The following PRKG1 variants were observed in gnomAD, a reference collection of about 807,000 sequenced individuals.
PRKG1 encodes the protein protein kinase cGMP-dependent 1.
Under a neutral mutation model 88.1 loss-of-function variants are expected in PRKG1, and 35 were observed. That is an observed-to-expected ratio of 0.40 (90% CI 0.30 to 0.53). The LOEUF is 0.53. PRKG1 is among the 20% of genes least tolerant of loss of function. PRKG1 has a pLI of 0.59. For missense variants in PRKG1, 540 were observed against 839.8 expected (o/e 0.64, Z 4.41); for synonymous variants, 303 against 292.5 (o/e 1.04, Z -0.37).
At chr10:51,248,136 C>T (rs1839340720) in intron 2 of PRKG1, among the ~76,000 whole-genome samples, 1 of 151,868 alleles carries the variant, frequency 6.6e-6, no homozygotes, top group African/African-American at 2.4e-5. Flanking sequence ...AAACTACATA[C>T]ATTGTTAAGC....
intron 10 of PRKG1, among the ~76,000 whole-genome samples, chr10:52,261,121 G>T (rs1352740118): frequency 2.0e-5 from 3 of 151,444 alleles, no homozygotes; most frequent in African/African-American, 7.3e-5. Context: ...AAAGTTAAAT[G>T]TCTCTAAAAA....
intron 3 of PRKG1, among the ~76,000 whole-genome samples, chr10:51,616,456 TGG>T (rs147918069): frequency 6.6e-6 from 1 of 152,136 alleles, no homozygotes; most frequent in South Asian, 2.1e-4. Flanking sequence ...GTGGCTGTGG[TGG>T]GCTTAGGAAA....
chr10:51,100,935 T>C (rs181917362), intron 1 of PRKG1, among the ~76,000 whole-genome samples: 2 of 152,340 alleles, frequency 1.3e-5, no homozygotes, highest in Non-Finnish European at 2.9e-5. Flanking sequence ...TACTCTTCTT[T>C]CTATGCCTCT....
intron 2 of PRKG1, among the ~76,000 whole-genome samples, chr10:51,449,106 T>TA (rs1221109449): frequency 1.3e-5 from 2 of 152,028 alleles, no homozygotes; most frequent in Non-Finnish European, 2.9e-5. Context: ...CTATTTGGTG[T>TA]AATATTTCCC....
At chr10:51,556,505 TG>T (rs1222256668) in intron 3 of PRKG1, among the ~76,000 whole-genome samples, 2 of 151,952 alleles carry the variant, frequency 1.3e-5, no homozygotes, top group Non-Finnish European at 2.9e-5. Flanking sequence ...AATGGTGGAC[TG>T]GAAATGAAAA....
At chr10:51,190,160 A>G (rs1031490941) in intron 2 of PRKG1, among the ~76,000 whole-genome samples, 1 of 151,920 alleles carries the variant, frequency 6.6e-6, no homozygotes. Context: ...TTTGTTTTTT[A>G]TATTTCAACT....
intron 5 of PRKG1, among the ~76,000 whole-genome samples, chr10:52,003,701 C>T (rs189138799): frequency 6.6e-6 from 1 of 152,218 alleles, no homozygotes; most frequent in Admixed American, 6.5e-5. Context: ...GACATTTTCT[C>T]TAGCTGAGCA....
chr10:51,369,055 A>G (rs1842647144), intron 2 of PRKG1, among the ~76,000 whole-genome samples: 1 of 152,116 alleles, frequency 6.6e-6, no homozygotes, highest in African/African-American at 2.4e-5. Context: ...GAGATTATAT[A>G]CCTGGAGATT....
intron 3 of PRKG1, among the ~76,000 whole-genome samples, chr10:51,755,824 G>T (rs955646902): frequency 6.6e-6 from 1 of 151,982 alleles, no homozygotes. Flanking sequence ...CTATCTACTT[G>T]GTTTAGGAAT....
chr10:51,915,544 T>C (rs1236839297), intron 5 of PRKG1, among the ~76,000 whole-genome samples: 1 of 149,840 alleles, frequency 6.7e-6, no homozygotes, highest in Non-Finnish European at 1.5e-5. Flanking sequence ...GATGTGTGTG[T>C]GTATGTGTGT....
At chr10:51,489,521 A>T (rs6480290) in intron 3 of PRKG1, among the ~76,000 whole-genome samples, 145,114 of 152,246 alleles carry the variant, frequency 0.95, 69,182 homozygotes, top group East Asian at 1. Flanking sequence ...TCAAAAAGGG[A>T]GATTTAACTA....
intron 1 of PRKG1, among the ~76,000 whole-genome samples, chr10:51,088,866 GC>G (rs1224493953): frequency 1.4e-5 from 2 of 147,834 alleles, no homozygotes; most frequent in Admixed American, 6.8e-5. Flanking sequence ...CATGTTTCTG[GC>G]CCTTAGATAC....
At position 52,257,105 on chromosome 10, in the gene PRKG1, A is replaced by G. The variant is rs1053638693; in HGVS notation, c.1173+5439A>G. ...TCTTGGCAAGTTGAATACAAAAGTT[A>G]CCTCTCATTCCTTCTCTGCTGCAGT... On this transcript the variant is annotated intron_variant, in intron 10 of 17. Coordinates refer to ENST00000373980, the MANE Select transcript of PRKG1 (RefSeq NM_006258.4). 9.3e-5 allele frequency among the ~76,000 whole-genome samples: 13 copies of G among 139,308 alleles called. No individual in the cohort carries two copies. In the East Asian group the frequency reaches 2.7e-3, roughly 28 times the overall value. 91.4% of individuals were successfully genotyped at this position (139,308 alleles called of 152,430 possible). A position where few individuals can be genotyped will look rare whatever the true frequency, so the allele number is the denominator to read the frequency against.
chr10:52,272,845 A>G (rs1459192844), intron 12 of PRKG1, among the ~76,000 whole-genome samples: 1 of 152,074 alleles, frequency 6.6e-6, no homozygotes, highest in Non-Finnish European at 1.5e-5. Context: ...TGAATTAACT[A>G]TCAGTTTAAT....
chr10:51,810,999 G>A (rs2132623328), intron 4 of PRKG1, among the ~76,000 whole-genome samples: 1 of 152,258 alleles, frequency 6.6e-6, no homozygotes, highest in Admixed American at 6.5e-5. Context: ...TCTAAGATGT[G>A]ATGTCATTTA....
At chr10:52,209,737 T>G (rs1839915491) in intron 9 of PRKG1, among the ~76,000 whole-genome samples, 1 of 152,078 alleles carries the variant, frequency 6.6e-6, no homozygotes, top group African/African-American at 2.4e-5. Flanking sequence ...ATCCATCCCC[T>G]TCTCCCTCAT....
rs376362267 is a variant in PRKG1 at position 51,854,871 on chromosome 10, G to A, written c.698+50181G>A. The stretch of plus-strand genomic sequence containing the variant: ...AAAATGTGCAAAAAATATATATACT[G>A]AGTGAAGGACTTGCGCCCACCAGCA... On this transcript the variant is annotated intron_variant, in intron 4 of 17. Transcript: ENST00000373980. Among the ~76,000 whole-genome samples, 4 of 152,024 alleles carry A rather than the reference G, an allele frequency of 2.6e-5. No individual in the cohort carries two copies. The East Asian group carries it at 7.7e-4, about 29-fold the overall frequency.
intron 3 of PRKG1, among the ~76,000 whole-genome samples, chr10:51,774,700 A>T (rs1838390523): frequency 6.6e-6 from 1 of 152,208 alleles, no homozygotes; most frequent in Non-Finnish European, 1.5e-5. Context: ...CAGTTACTTT[A>T]AAAAAATTGC....
chr10:51,120,779 G>A lies in PRKG1; in HGVS notation c.312-32385G>A, dbSNP rs150563589. Among the ~76,000 whole-genome samples, 492 of 152,248 alleles carry A rather than the reference G, an allele frequency of 3.2e-3. 2 individuals carry two copies. The highest frequency in any genetic ancestry group is 0.011 in the African/African-American group (463 of 41,562). On this transcript the variant is annotated intron_variant, in intron 1 of 17. Transcript: ENST00000373980. ...TGCCAATTTAATTTAATAAAGCAAA[G>A]AGACATTGTATTAATTTCCTATTGT...
Sources: allele counts gnomAD v4.1 joint callset (sites outside exome capture counted in the v4.1 genomes callset), GRCh38; gene constraint gnomAD v4.1.1; transcripts MANE v1.5; gene names NCBI Gene and HGNC (gene_info 2026-07-23, HGNC 2026-07-21).